The following CNTNAP2 variants were observed in gnomAD, a reference collection of about 807,000 sequenced individuals.
CNTNAP2 encodes the protein contactin-associated protein-like 2.
Under a neutral mutation model 155.2 loss-of-function variants are expected in CNTNAP2, and 98 were observed. That is an observed-to-expected ratio of 0.63 (90% confidence interval 0.54 to 0.75). The LOEUF (loss-of-function observed/expected upper bound fraction) is 0.75, where lower values mean the gene tolerates loss of function less well. Ranked by LOEUF, CNTNAP2 falls within the 30% of genes least tolerant of loss-of-function variation. The pLI is 0.00. For missense variants in CNTNAP2, 1,727 were observed against 1,688.1 expected, an observed-to-expected ratio of 1.02 and a Z score of -0.40; for synonymous variants, 651 against 631.2, an observed-to-expected ratio of 1.03 and a Z score of -0.47.
chr7:147,234,334 CTTTTTTTTTT>C (rs1225048153), intron 8 of CNTNAP2, among the ~76,000 whole-genome samples: 2 of 107,556 alleles, frequency 1.9e-5, no homozygotes, highest in Non-Finnish European at 3.5e-5. Context: ...CAAGAGTATT[CTTTTTTTTTT>C]TTTTTTTTTT....
chr7:146,552,018 A>T (rs1187367518), intron 1 of CNTNAP2, among the ~76,000 whole-genome samples: 1 of 152,120 alleles, frequency 6.6e-6, no homozygotes, highest in East Asian at 1.9e-4. Flanking sequence ...ATGTCACTGG[A>T]AATAGATAAA....
intron 1 of CNTNAP2, among the ~76,000 whole-genome samples, chr7:146,483,284 TATATATATA>T (rs1268993619): frequency 3.8e-5 from 1 of 26,594 alleles, no homozygotes; most frequent in Non-Finnish European, 6.7e-5. Flanking sequence ...TAAAAAAAAA[TATATATATA>T]TATATATATA....
chr7:148,149,106 A>G (rs1251413179), intron 17 of CNTNAP2, among the ~76,000 whole-genome samples: 1 of 152,178 alleles, frequency 6.6e-6, no homozygotes, highest in Non-Finnish European at 1.5e-5. Context: ...GGTAGATTCT[A>G]TCTGGTTTTC....
At chr7:147,563,135 A>G (rs971728929) in intron 12 of CNTNAP2, among the ~76,000 whole-genome samples, 1 of 152,194 alleles carries the variant, frequency 6.6e-6, no homozygotes, top group African/African-American at 2.4e-5. Flanking sequence ...AATATTGGGC[A>G]CTTTAGTAAC....
chr7:148,179,556 GGA>G (rs905605741), intron 18 of CNTNAP2, among the ~76,000 whole-genome samples: 3 of 147,138 alleles, frequency 2.0e-5, no homozygotes, highest in African/African-American at 5.1e-5. Flanking sequence ...AGGGAGAGAG[GGA>G]GAGAGAGGGA....
chr7:148,230,786 G>A (rs955868675), intron 20 of CNTNAP2, among the ~76,000 whole-genome samples: 8 of 152,086 alleles, frequency 5.3e-5, no homozygotes, highest in African/African-American at 9.7e-5. Flanking sequence ...AGCTTACTGC[G>A]CCATCAATCA....
At chr7:146,816,138 C>T (rs751353950) in intron 2 of CNTNAP2, among the ~76,000 whole-genome samples, 3 of 152,112 alleles carry the variant, frequency 2.0e-5, no homozygotes, top group Non-Finnish European at 4.4e-5. Flanking sequence ...ATATGTGCCA[C>T]GTTTTCTTAA....
intron 8 of CNTNAP2, among the ~76,000 whole-genome samples, chr7:147,246,530 T>C (rs1451306343): frequency 6.6e-6 from 1 of 152,180 alleles, no homozygotes. Context: ...CCTCATACGA[T>C]GGAAGAGGCA....
At chr7:146,453,036 G>T (rs889807818) in intron 1 of CNTNAP2, among the ~76,000 whole-genome samples, 1 of 152,206 alleles carries the variant, frequency 6.6e-6, no homozygotes, top group Non-Finnish European at 1.5e-5. Flanking sequence ...GAGGTTGTCT[G>T]TTGTCTCTCT....
At chr7:148,003,498 C>T (rs190321829) in intron 15 of CNTNAP2, among the ~76,000 whole-genome samples, 20 of 152,170 alleles carry the variant, frequency 1.3e-4, no homozygotes, top group Admixed American at 5.2e-4. Context: ...TCTCTGATTC[C>T]GTGAATGAGA....
intron 9 of CNTNAP2, among the ~76,000 whole-genome samples, chr7:147,349,638 G>A (rs894606905): frequency 3.3e-5 from 5 of 151,714 alleles, no homozygotes; most frequent in East Asian, 1.9e-4. Flanking sequence ...CAGATATCCC[G>A]CATTTGATTA....
At chr7:148,147,879 AG>A (rs1805222776) in intron 17 of CNTNAP2, among the ~76,000 whole-genome samples, 170 bp downstream of exon 17, 1 of 152,168 alleles carries the variant, frequency 6.6e-6, no homozygotes, top group African/African-American at 2.4e-5. Context: ...ATAAGGAAGA[AG>A]TTTCAGGAGA....
At chr7:146,301,307 AT>A (rs1451941060) in intron 1 of CNTNAP2, among the ~76,000 whole-genome samples, 3 of 152,102 alleles carry the variant, frequency 2.0e-5, no homozygotes, top group Non-Finnish European at 4.4e-5. Flanking sequence ...ACAGAAAATT[AT>A]TTATCTTCTT....
At chr7:147,578,440 T>C (rs1015660173) in intron 12 of CNTNAP2, among the ~76,000 whole-genome samples, 1 of 152,142 alleles carries the variant, frequency 6.6e-6, no homozygotes, top group Non-Finnish European at 1.5e-5. Context: ...AATTTGTCTT[T>C]GGCTCTACAG....
rs139670251 is a variant in CNTNAP2 at position 147,565,380 on chromosome 7, T to TA, written c.1897+3124dup. ...GGGCAGAAAAAAGTGCGCTTTTTTT[T>TA]ATTATTATTTTTCAATTGCAGTGGG... On this transcript the variant is annotated intron_variant, in intron 12 of 23. Transcript: ENST00000361727. 2.7e-3 allele frequency among the ~76,000 whole-genome samples: 416 copies of TA among 151,768 alleles called. 15 individuals carry two copies. In the East Asian group the frequency reaches 0.056, roughly 21 times the overall value.
Position 148,329,526 on chromosome 7 carries a change from A to G in CNTNAP2, c.3476-54123A>G, listed in dbSNP as rs532452372. Among the ~76,000 whole-genome samples the G allele has an allele frequency of 3.9e-5, 6 of 152,294 alleles. No individual in the cohort carries two copies. The East Asian group carries it at 7.7e-4, about 20-fold the overall frequency. ...ATGTGCGGGCTGTGGGTCACAGTAT[A>G]ATAGGAACACAGGACAGAGGCTGAA... On this transcript the variant is annotated intron_variant, in intron 21 of 23. Transcript: ENST00000361727.
chr7:146,605,613 C>G (rs1799033790), intron 1 of CNTNAP2, among the ~76,000 whole-genome samples: 1 of 152,098 alleles, frequency 6.6e-6, no homozygotes, highest in Non-Finnish European at 1.5e-5. Context: ...TTTGCCATAT[C>G]ATGGATGATA....
chr7:148,044,179 T>A (rs1195909322), intron 15 of CNTNAP2, among the ~76,000 whole-genome samples: 1 of 151,314 alleles, frequency 6.6e-6, no homozygotes, highest in Non-Finnish European at 1.5e-5. Context: ...AACTAATAGC[T>A]TGTTAATTAT....
chr7:146,809,555 G>A (rs1803028220), intron 2 of CNTNAP2, among the ~76,000 whole-genome samples: 1 of 151,782 alleles, frequency 6.6e-6, no homozygotes, highest in Non-Finnish European at 1.5e-5. Flanking sequence ...GTAGAGACGG[G>A]GTTTTACCAT....
Sources: allele counts gnomAD v4.1 joint callset (sites outside exome capture counted in the v4.1 genomes callset), GRCh38; gene constraint gnomAD v4.1.1; transcripts MANE v1.5; gene names NCBI Gene and HGNC (gene_info 2026-07-23, HGNC 2026-07-21).